Variants in CAP2 observed in about 807,000 individuals in gnomAD.
CAP2 encodes the protein adenylyl cyclase-associated protein 2.
A neutral mutation model predicts 57.7 loss-of-function variants in CAP2; 24 were observed. That is an observed-to-expected ratio of 0.42 (90% CI 0.30 to 0.58). The LOEUF (loss-of-function observed/expected upper bound fraction) is 0.58. Ranked by LOEUF, CAP2 falls within the 20% of genes least tolerant of loss-of-function variation. The pLI is 0.22. For missense variants in CAP2, 501 were observed against 590.3 expected (o/e 0.85, Z 1.57); for synonymous variants, 194 against 207.2 (o/e 0.94, Z 0.55).
At chr6:17,408,593 A>G (rs2113513597) in intron 1 of CAP2, among the ~76,000 whole-genome samples, 1 of 152,186 alleles carries the variant, frequency 6.6e-6, no homozygotes, top group African/African-American at 2.4e-5. Context: ...CATTGAAATG[A>G]CAGAATTTGA....
intron 4 of CAP2, among the ~76,000 whole-genome samples, chr6:17,481,931 G>A (rs765285091): frequency 4.6e-5 from 7 of 152,054 alleles, no homozygotes; most frequent in Non-Finnish European, 1.0e-4. Flanking sequence ...TTTCTTTAAG[G>A]TGACAGACAT....
chr6:17,486,342 A>G (rs1761419445), intron 4 of CAP2, among the ~76,000 whole-genome samples: 1 of 152,242 alleles, frequency 6.6e-6, no homozygotes, highest in South Asian at 2.1e-4. Flanking sequence ...GTGGGGGCTC[A>G]TGCCTGTAAT....
chr6:17,411,799 G>C (rs556750103), intron 1 of CAP2, among the ~76,000 whole-genome samples: 417 of 152,182 alleles, frequency 2.7e-3, no homozygotes, highest in South Asian at 0.014. Context: ...CAGTGCCAGC[G>C]TGTGGCCCTT....
intron 4 of CAP2, among the ~76,000 whole-genome samples, chr6:17,485,389 T>A (rs980996298): frequency 2.0e-5 from 3 of 152,192 alleles, no homozygotes; most frequent in Non-Finnish European, 4.4e-5. Flanking sequence ...CTGGGCTTTT[T>A]CCAGCCTGGG....
At chr6:17,403,755 T>C (rs544130774) in intron 1 of CAP2, among the ~76,000 whole-genome samples, 1 of 152,272 alleles carries the variant, frequency 6.6e-6, no homozygotes, top group South Asian at 2.1e-4. Flanking sequence ...GAAATATAAG[T>C]TCAAGGAGAA....
At chr6:17,503,736 C>T (rs1227255158) in intron 4 of CAP2, among the ~76,000 whole-genome samples, 1 of 152,046 alleles carries the variant, frequency 6.6e-6, no homozygotes, top group Non-Finnish European at 1.5e-5. Flanking sequence ...TATTTAAGAT[C>T]CTTTCTCCAA....
chr6:17,416,340 A>C (rs1759274579), intron 1 of CAP2, among the ~76,000 whole-genome samples: 1 of 152,156 alleles, frequency 6.6e-6, no homozygotes, highest in South Asian at 2.1e-4. Flanking sequence ...ATGAGATGGG[A>C]TGACTTAATA....
intron 3 of CAP2, among the ~76,000 whole-genome samples, chr6:17,432,452 C>G (rs1054564491): frequency 1.3e-5 from 2 of 152,184 alleles, no homozygotes; most frequent in African/African-American, 2.4e-5. Context: ...TTTCTGTTCA[C>G]TGTTTTAATT....
At chr6:17,495,608 T>C (rs1297074833) in intron 4 of CAP2, among the ~76,000 whole-genome samples, 1 of 152,172 alleles carries the variant, frequency 6.6e-6, no homozygotes, top group Non-Finnish European at 1.5e-5. Context: ...ATGGGATTTA[T>C]GGCATATGGA....
At chr6:17,507,434 C>T (rs778594410) in intron 5 of CAP2, 122 bp downstream of exon 5, 9 of 1,054,052 alleles carry the variant, frequency 8.5e-6, no homozygotes, top group Admixed American at 2.2e-5. Flanking sequence ...GGGCTGAATG[C>T]ATCCACTTTC....
chr6:17,403,175 C>T (rs1414844755), intron 1 of CAP2, among the ~76,000 whole-genome samples: 1 of 152,184 alleles, frequency 6.6e-6, no homozygotes, highest in Non-Finnish European at 1.5e-5. Context: ...GATCTTGGCT[C>T]ACTGCAACCT....
At chr6:17,474,936 C>T (rs920638716) in intron 4 of CAP2, among the ~76,000 whole-genome samples, 3 of 152,090 alleles carry the variant, frequency 2.0e-5, no homozygotes, top group African/African-American at 7.2e-5. Flanking sequence ...GTAACTCACA[C>T]CTGCAATCCC....
At position 17,542,848 on chromosome 6, in the gene CAP2, G is replaced by C. The variant is rs1418728091; in HGVS notation, c.1014G>C (p.Glu338Asp). ...EGKKWRVEYQ[E>D]DRNDLVISET... Reference sequence around the variant, plus strand: ...TGTCTTAATTCTAGGAGTACCAAGAGGACAGGAATGACCTTGTGATTTCAG... The same window carrying C: ...TGTCTTAATTCTAGGAGTACCAAGACGACAGGAATGACCTTGTGATTTCAG... The change falls in exon 10 of 13, where the codon GAG becomes GAC. Residue 338 changes from glutamate to aspartate, a missense_variant. By Grantham distance (45) the Glu-to-Asp change is conservative. Coordinates refer to ENST00000229922, the MANE Select transcript of CAP2 (RefSeq NM_006366.3). The C allele has an allele frequency of 6.2e-7, 1 of 1,611,564 alleles. No homozygotes were observed. Among genetic ancestry groups the C allele is most frequent in the South Asian group, 1.1e-5 (1 of 90,946 alleles).
intron 7 of CAP2, among the ~76,000 whole-genome samples, chr6:17,521,904 T>A (rs1762401316): frequency 6.6e-6 from 1 of 151,338 alleles, no homozygotes; most frequent in African/African-American, 2.4e-5. Context: ...AGGTCAGGAG[T>A]TCGAGACCAG....
chr6:17,480,578 A>C (rs1761262969), intron 4 of CAP2, among the ~76,000 whole-genome samples: 2 of 152,074 alleles, frequency 1.3e-5, no homozygotes, highest in South Asian at 4.1e-4. Context: ...GGAGTTGGAG[A>C]AGAGGTCACA....
At chr6:17,455,987 A>G (rs926686437) in intron 3 of CAP2, among the ~76,000 whole-genome samples, 2 of 152,150 alleles carry the variant, frequency 1.3e-5, no homozygotes, top group Non-Finnish European at 2.9e-5. Context: ...ACAGTTTTGT[A>G]GTGGATGGCC....
intron 3 of CAP2, among the ~76,000 whole-genome samples, chr6:17,448,754 G>A (rs987723189): frequency 6.9e-6 from 1 of 144,450 alleles, no homozygotes; most frequent in Non-Finnish European, 1.5e-5. Flanking sequence ...TCAATGAGTT[G>A]AAGTCTACAT....
chr6:17,443,938 T>TA (rs1760168959), intron 3 of CAP2, among the ~76,000 whole-genome samples: 1 of 152,228 alleles, frequency 6.6e-6, no homozygotes, highest in African/African-American at 2.4e-5. Context: ...TTTAGTGATG[T>TA]AAAAGAGAAC....
intron 1 of CAP2, among the ~76,000 whole-genome samples, chr6:17,415,405 C>G (rs1759249020): frequency 6.6e-6 from 1 of 152,326 alleles, no homozygotes; most frequent in South Asian, 2.1e-4. Context: ...AGCAAGTGTG[C>G]TCTTTCAAGT....
Sources: gnomAD v4.1 joint callset for allele counts (sites outside exome capture counted in the v4.1 genomes callset) on GRCh38, gnomAD v4.1.1 for gene constraint, MANE v1.5 for transcripts, NCBI Gene and HGNC (gene_info 2026-07-23, HGNC 2026-07-21) for gene names.